Variants in TAF2 observed in about 807,000 individuals in gnomAD.
The protein encoded by TAF2 is TATA-box binding protein associated factor 2, also known as transcription initiation factor TFIID subunit 2.
In TAF2, 61 loss-of-function variants were observed where a neutral mutation model predicts 138.5. The observed-to-expected ratio is 0.44, with a 90% confidence interval of 0.36 to 0.54. The LOEUF (loss-of-function observed/expected upper bound fraction) is 0.54, where lower values mean the gene tolerates loss of function less well. Ranked by LOEUF, TAF2 falls within the 20% of genes least tolerant of loss-of-function variation. TAF2 has a pLI of 0.00. For missense variants in TAF2, 1,090 were observed against 1,427.9 expected, an observed-to-expected ratio of 0.76 and a Z score of 3.81; for synonymous variants, 475 against 469.9, an observed-to-expected ratio of 1.01 and a Z score of -0.14.
intron 16 of TAF2, among the ~76,000 whole-genome samples, chr8:119,781,496 GGTGAAA>G (rs1395023594): frequency 6.6e-6 from 1 of 152,020 alleles, no homozygotes; most frequent in Non-Finnish European, 1.5e-5. Context: ...TGGCCAACAT[GGTGAAA>G]CCCCATCTAT....
intron 22 of TAF2, among the ~76,000 whole-genome samples, chr8:119,755,187 C>G (rs148423923): frequency 2.6e-5 from 4 of 152,330 alleles, no homozygotes; most frequent in African/African-American, 9.6e-5. Context: ...TTTCTTACCT[C>G]TTGACCTCAC....
At chr8:119,791,543 A>T (rs1823431584) in intron 10 of TAF2, 84 bp from the exon 11 acceptor site, 2 of 1,470,178 alleles carry the variant, frequency 1.4e-6, no homozygotes, top group Admixed American at 4.1e-5. Context: ...TCAAGAAAAT[A>T]CCCAAAAAAC....
intron 18 of TAF2, among the ~76,000 whole-genome samples, chr8:119,775,929 C>T (rs1346880799): frequency 6.6e-6 from 1 of 151,998 alleles, no homozygotes; most frequent in Non-Finnish European, 1.5e-5. Context: ...GTTTTAGTTA[C>T]CAGTTATTAG....
chr8:119,757,941 G>A, intron 21 of TAF2, 132 bp downstream of exon 21: 2 of 782,766 alleles, frequency 2.6e-6, no homozygotes, highest in African/African-American at 1.7e-5. Flanking sequence ...AATTTAAAAA[G>A]GACATGAATA....
intron 7 of TAF2, 95 bp from the exon 8 acceptor site, chr8:119,797,198 T>A: frequency 1.1e-6 from 1 of 919,446 alleles, no homozygotes; most frequent in Admixed American, 2.4e-5. Flanking sequence ...CAATGGAAGC[T>A]AAATAGAGAA....
chr8:119,829,944 C>T lies in TAF2; in HGVS notation c.138+1733G>A, dbSNP rs146023834. 5.1e-4 allele frequency among the ~76,000 whole-genome samples: 75 copies of T among 147,800 alleles called. 1 individual carries two copies. In the Middle Eastern group the frequency reaches 0.025, roughly 49 times the overall value. ...GCGCGATCTCGGCTCCCTGCAAGTTCGCCTCCCAGGTTCGGCGCGATCTCG... is the reference window on the plus strand; with the variant it reads ...GCGCGATCTCGGCTCCCTGCAAGTTTGCCTCCCAGGTTCGGCGCGATCTCG... On this transcript the variant is annotated intron_variant, in intron 2 of 25. Transcript: ENST00000378164.
At chr8:119,832,401 C>T in intron 1 of TAF2, 81 bp downstream of exon 1, 5 of 1,351,498 alleles carry the variant, frequency 3.7e-6, no homozygotes, top group Non-Finnish European at 5.2e-6. Flanking sequence ...CCAGGCCCAC[C>T]AAGTCAATTT....
At chr8:119,782,802 A>C (rs1291399696) in intron 16 of TAF2, among the ~76,000 whole-genome samples, 1 of 152,210 alleles carries the variant, frequency 6.6e-6, no homozygotes, top group African/African-American at 2.4e-5. Context: ...TTATAAACTC[A>C]AATCAACGTG....
intron 3 of TAF2, among the ~76,000 whole-genome samples, chr8:119,807,887 A>T (rs989550858): frequency 4.6e-5 from 7 of 152,188 alleles, no homozygotes; most frequent in Admixed American, 1.3e-4. Context: ...GCACCACTGC[A>T]CTCCAACCTG....
chr8:119,812,811 C>CACA (rs199936538), intron 3 of TAF2, among the ~76,000 whole-genome samples: 4 of 151,884 alleles, frequency 2.6e-5, no homozygotes, highest in East Asian at 1.9e-4. Flanking sequence ...TATACATACA[C>CACA]CACACATACA....
chr8:119,780,534 C>G lies in TAF2; in HGVS notation c.2253+519G>C, dbSNP rs139296946. Among the ~76,000 whole-genome samples, 1,037 of 152,246 alleles carry G rather than the reference C, an allele frequency of 6.8e-3. 14 individuals are homozygous for G. The highest frequency in any genetic ancestry group is 0.024 in the African/African-American group (987 of 41,532). On this transcript the variant is annotated intron_variant, in intron 17 of 25. Transcript: ENST00000378164. ...TCCCCCAGGTAACCAACCAAAAAGG[C>G]AAATTAAACATTTCTGGACACTTTA... is the stretch of plus-strand genomic sequence containing the variant.
chr8:119,749,652 A>G (rs934558428), intron 22 of TAF2, among the ~76,000 whole-genome samples: 1 of 152,204 alleles, frequency 6.6e-6, no homozygotes, highest in South Asian at 2.1e-4. Context: ...TGATCAGAGT[A>G]GTTCACTCAG....
At chr8:119,787,012 A>C (rs1392103012) in intron 14 of TAF2, among the ~76,000 whole-genome samples, 1 of 152,210 alleles carries the variant, frequency 6.6e-6, no homozygotes, top group Non-Finnish European at 1.5e-5. Context: ...CTTTAGGACT[A>C]AACACCAAAA....
At chr8:119,741,520 A>G (rs1437925652) in intron 25 of TAF2, among the ~76,000 whole-genome samples, 1 of 152,220 alleles carries the variant, frequency 6.6e-6, no homozygotes, top group Non-Finnish European at 1.5e-5. Flanking sequence ...TTTCTGAAAC[A>G]TATTTTAGGT....
intron 25 of TAF2, among the ~76,000 whole-genome samples, chr8:119,734,998 G>A (rs923451268): frequency 2.0e-5 from 3 of 152,128 alleles, no homozygotes; most frequent in East Asian, 1.9e-4. Flanking sequence ...GAACTGGTTC[G>A]TTCATGTTTC....
rs866380056 is a variant in TAF2 at position 119,797,066 on chromosome 8, T to A, written c.1015A>T (p.Thr339Ser). The change falls in exon 8 of 26, where the codon ACA (threonine) becomes TCA (serine). Residue 339 changes from threonine to serine, a missense_variant. By Grantham distance (58) the Thr-to-Ser change is moderately conservative. Coordinates refer to ENST00000378164, the MANE Select transcript of TAF2 (RefSeq NM_003184.4). ...GCTAAACACCTTCTAGTCAAAGGTG[T>A]CTCATCTATAATCATGGCACTGTGT... is the stretch of plus-strand genomic sequence containing the variant. Reference protein sequence around the residue: ...LLHSAMIIDETPLTRRCLAQS... With the variant: ...LLHSAMIIDESPLTRRCLAQS... The A allele has an allele frequency of 2.5e-6, 4 of 1,613,270 alleles. No individual in the cohort carries two copies. The Middle Eastern group carries it at 5.0e-4, about 200-fold the overall frequency.
intron 2 of TAF2, 57 bp from the exon 3 acceptor site, chr8:119,819,563 T>C: frequency 7.0e-7 from 1 of 1,431,806 alleles, no homozygotes; most frequent in Non-Finnish European, 9.7e-7. Flanking sequence ...TCAGAATATA[T>C]TTCTTTTATT....
intron 18 of TAF2, among the ~76,000 whole-genome samples, chr8:119,777,799 A>G (rs1253516469): frequency 6.6e-6 from 1 of 152,174 alleles, no homozygotes; most frequent in Non-Finnish European, 1.5e-5. Flanking sequence ...ACATTTAAAA[A>G]CTAATATTGT....
At position 119,758,699 on chromosome 8, in the gene TAF2, CA is replaced by C. The variant is rs1253754314; in HGVS notation, c.2699-558del. Among the ~76,000 whole-genome samples, 3 of 152,236 alleles carry C rather than the reference CA, an allele frequency of 2.0e-5. No individual in the cohort carries two copies. In the East Asian group the frequency reaches 5.8e-4, roughly 29 times the overall value. ...GACTAGCTATTTCCATTCACCTTTT[CA>C]AACAAGTTTTACTTTCATAATTTGA... On this transcript the variant is annotated intron_variant, in intron 20 of 25. Coordinates refer to ENST00000378164, the MANE Select transcript of TAF2 (RefSeq NM_003184.4).
Sources: gnomAD v4.1 joint callset for allele counts (sites outside exome capture counted in the v4.1 genomes callset) on GRCh38, gnomAD v4.1.1 for gene constraint, MANE v1.5 for transcripts, NCBI Gene and HGNC (gene_info 2026-07-23, HGNC 2026-07-21) for gene names.